Variants in ZNF385D observed in about 807,000 individuals in gnomAD.
ZNF385D encodes the protein zinc finger protein 659.
Under a neutral mutation model 35.8 loss-of-function variants are expected in ZNF385D, and 15 were observed. The ratio of observed to expected loss-of-function variants is 0.42; its 90% confidence interval spans 0.28 to 0.64. ZNF385D has a LOEUF of 0.64. Among genes scored for constraint, ZNF385D ranks in the 30% least tolerant of loss-of-function variants. ZNF385D has a pLI of 0.23. For missense variants in ZNF385D, 474 were observed against 494.6 expected (o/e 0.96, Z 0.39); for synonymous variants, 212 against 186.8 (o/e 1.13, Z -1.10).
intron 1 of ZNF385D, among the ~76,000 whole-genome samples, chr3:21,721,676 G>T (rs73046252): frequency 0.032 from 4,890 of 152,162 alleles, 141 homozygotes; most frequent in South Asian, 0.1. Context: ...CACGTGAAAT[G>T]CTATACTTTA....
At chr3:22,344,332 C>T (rs1283918323) in intron 2 of ZNF385D, among the ~76,000 whole-genome samples, 2 of 151,976 alleles carry the variant, frequency 1.3e-5, no homozygotes, top group African/African-American at 4.8e-5. Context: ...CTTCAGTCCC[C>T]TCATCTTAAA....
intron 1 of ZNF385D, among the ~76,000 whole-genome samples, chr3:21,678,636 G>T (rs1205338675): frequency 3.3e-5 from 5 of 152,082 alleles, no homozygotes; most frequent in Admixed American, 1.3e-4. Flanking sequence ...ATTATTTTGT[G>T]CTTTTGAACG....
intron 3 of ZNF385D, among the ~76,000 whole-genome samples, chr3:21,807,217 T>A (rs1286055919): frequency 6.6e-6 from 1 of 152,224 alleles, no homozygotes; most frequent in East Asian, 1.9e-4. Context: ...AAATCATTAT[T>A]GAGATATTTT....
intron 1 of ZNF385D, among the ~76,000 whole-genome samples, chr3:21,667,589 G>C (rs1348180372): frequency 6.6e-6 from 1 of 152,198 alleles, no homozygotes; most frequent in Non-Finnish European, 1.5e-5. Flanking sequence ...TAGAGAAAAA[G>C]AAATATGTTG....
intron 3 of ZNF385D, among the ~76,000 whole-genome samples, chr3:21,808,161 T>C (rs1575686678): frequency 1.3e-5 from 2 of 152,326 alleles, no homozygotes; most frequent in East Asian, 3.9e-4. Flanking sequence ...GAAAATCCTT[T>C]AGTATAGGAT....
At chr3:22,287,701 T>G (rs777033295) in intron 2 of ZNF385D, among the ~76,000 whole-genome samples, 1 of 152,054 alleles carries the variant, frequency 6.6e-6, no homozygotes, top group Admixed American at 6.6e-5. Flanking sequence ...CTTTATAATT[T>G]GCATCCCTCA....
chr3:22,041,301 A>G (rs777453542), intron 3 of ZNF385D, among the ~76,000 whole-genome samples: 119 of 152,126 alleles, frequency 7.8e-4, no homozygotes, highest in Non-Finnish European at 1.3e-3. Flanking sequence ...CCAGGCATCT[A>G]TAGTACTCTG....
intron 1 of ZNF385D, among the ~76,000 whole-genome samples, chr3:21,723,628 C>G (rs2068632740): frequency 6.6e-6 from 1 of 152,064 alleles, no homozygotes. Context: ...TGAACAAAGC[C>G]TCCAAGAAAT....
intron 2 of ZNF385D, among the ~76,000 whole-genome samples, chr3:22,286,910 C>T (rs184972877): frequency 1.3e-5 from 2 of 152,106 alleles, no homozygotes; most frequent in Non-Finnish European, 2.9e-5. Context: ...AAAGTGTAGT[C>T]CAAGTTCAGT....
intron 3 of ZNF385D, among the ~76,000 whole-genome samples, chr3:21,874,416 AAT>A (rs1697857145): frequency 6.6e-6 from 1 of 152,062 alleles, no homozygotes; most frequent in Admixed American, 6.6e-5. Context: ...CTCCTTATCA[AAT>A]ATATGGTTTG....
At chr3:21,662,729 T>A (rs1033338383) in intron 2 of ZNF385D, among the ~76,000 whole-genome samples, 1 of 152,176 alleles carries the variant, frequency 6.6e-6, no homozygotes, top group South Asian at 2.1e-4. Context: ...AGAGGGCCTC[T>A]TGGTTTAAGT....
intron 2 of ZNF385D, among the ~76,000 whole-genome samples, chr3:22,251,995 A>G (rs975582998): frequency 6.6e-6 from 1 of 152,126 alleles, no homozygotes; most frequent in East Asian, 1.9e-4. Flanking sequence ...CATATTAAAC[A>G]TTCAATAAAT....
chr3:22,086,061 T>A lies in ZNF385D; in HGVS notation c.325+82756A>T, dbSNP rs549202462. Among the ~76,000 whole-genome samples the A allele has an allele frequency of 4.7e-3, 723 of 152,302 alleles. 11 individuals are homozygous for A. The highest frequency in any genetic ancestry group is 0.016 in the African/African-American group (658 of 41,566). On this transcript the variant is annotated intron_variant, in intron 3 of 5. Coordinates refer to the ZNF385D transcript ENST00000494108. ...GTTGATGGCACATATCTCAAAATAA[T>A]AAGAGCTATTTATGACAAATCCATA...
At chr3:22,257,356 C>T (rs1700367968) in intron 2 of ZNF385D, among the ~76,000 whole-genome samples, 1 of 151,680 alleles carries the variant, frequency 6.6e-6, no homozygotes, top group African/African-American at 2.4e-5. Flanking sequence ...ATCACTTCCA[C>T]TCATGCTATA....
At position 21,682,353 on chromosome 3, in the gene ZNF385D, G is replaced by A. The variant is rs532263716; in HGVS notation, c.23-17325C>T. ...ATGATTAAAGGACAGGCAAGTAAGA[G>A]TAAGGGGAAAGCTAAAGGTACTGGC... On this transcript the variant is annotated intron_variant, in intron 1 of 7. Coordinates refer to ENST00000281523, the MANE Select transcript of ZNF385D (RefSeq NM_024697.3). 1.3e-5 allele frequency among the ~76,000 whole-genome samples: 2 copies of A among 150,328 alleles called. 1 individual carries two copies. Among genetic ancestry groups the A allele is most frequent in the East Asian group, 4.0e-4 (2 of 4,982 alleles).
intron 2 of ZNF385D, among the ~76,000 whole-genome samples, chr3:21,603,458 C>G (rs1213178770): frequency 6.6e-6 from 1 of 152,128 alleles, no homozygotes; most frequent in Non-Finnish European, 1.5e-5. Flanking sequence ...GAGTCCAAAA[C>G]TGGTAAAAGA....
intron 1 of ZNF385D, among the ~76,000 whole-genome samples, chr3:21,709,912 C>A (rs1415449857): frequency 6.6e-6 from 1 of 152,114 alleles, no homozygotes; most frequent in Non-Finnish European, 1.5e-5. Context: ...ATGAAGTGAA[C>A]AGATTGACAA....
intron 2 of ZNF385D, among the ~76,000 whole-genome samples, chr3:22,183,213 T>A (rs887333581): frequency 6.6e-6 from 1 of 152,160 alleles, no homozygotes; most frequent in African/African-American, 2.4e-5. Flanking sequence ...TCCTTGGACA[T>A]TTTTTGTTTT....
At chr3:21,574,353 A>G (rs929984207) in intron 2 of ZNF385D, among the ~76,000 whole-genome samples, 1 of 152,086 alleles carries the variant, frequency 6.6e-6, no homozygotes, top group Non-Finnish European at 1.5e-5. Context: ...ATAAATGACA[A>G]GGTTTCCTGA....
Sources: allele counts gnomAD v4.1 joint callset (sites outside exome capture counted in the v4.1 genomes callset), GRCh38; gene constraint gnomAD v4.1.1; transcripts MANE v1.5; gene names NCBI Gene and HGNC (gene_info 2026-07-23, HGNC 2026-07-21).